Variants in SCRN2 observed in about 807,000 individuals in gnomAD.
SCRN2 encodes the protein secernin-2.
SCRN2 carries 30 observed loss-of-function variants against 40.1 expected under a neutral mutation model. The observed-to-expected ratio is 0.75, with a 90% CI of 0.56 to 1.01. SCRN2 has a LOEUF of 1.01. Ranked by LOEUF, SCRN2 falls within the 50% of genes least tolerant of loss-of-function variation. The pLI, the probability that SCRN2 is intolerant of heterozygous loss-of-function variation, is 0.00. For missense variants in SCRN2, 526 were observed against 564.9 expected (o/e 0.93, Z 0.70); for synonymous variants, 240 against 233.5 (o/e 1.03, Z -0.25).
At position 47,840,453 on chromosome 17, in the gene SCRN2, T is replaced by C. The variant is rs908603778; in HGVS notation, c.175-81A>G. ...GTGTGGCACTCTGCCAATTACCTTA[T>C]AGATCCCTTTGAGGAAGGTCTCATT... On this transcript the variant is annotated intron_variant, in intron 2 of 7. Coordinates refer to ENST00000290216, the MANE Select transcript of SCRN2 (RefSeq NM_138355.4). 178 of 1,471,302 alleles carry C rather than the reference T, an allele frequency of 1.2e-4. No individual in the cohort carries two copies. In the African/African-American group the frequency reaches 2.2e-3, roughly 18 times the overall value. The allele number at this position is 1,471,302 out of a possible 1,614,324, so 91.1% of individuals were successfully genotyped here.
Position 47,838,359 on chromosome 17 carries a change from T to C in SCRN2, c.1030A>G (p.Thr344Ala), listed in dbSNP as rs1567955539. 6.2e-7 allele frequency: 1 copy of C among 1,609,142 alleles called. No individual in the cohort carries two copies. The highest frequency in any genetic ancestry group is 8.5e-7 in the Non-Finnish European group (1 of 1,178,020). ...ACCTGAGTCTGGAATCGGGGCAGGG[T>C]CCGAACAGGGTCTTGTGCTCCAAAA... ...PTFGAQDPVR[T>A]LPRFQTQVDR... Residue 344 changes from threonine (T) to alanine (A), a missense_variant, in exon 7 of 8, where the codon ACC becomes GCC. Physicochemically the swap from Thr to Ala is moderately conservative, Grantham distance 58 (BLOSUM62 0). Transcript: ENST00000290216.
rs574222234 is a variant in SCRN2 at position 47,837,959 on chromosome 17, T to C, written c.1163A>G (p.Gln388Arg). 5.0e-6 allele frequency: 8 copies of C among 1,607,486 alleles called. No individual in the cohort carries two copies. The South Asian group carries it at 6.6e-5, about 13-fold the overall frequency. Residue 388 changes from glutamine (Q) to arginine (R), a missense_variant, in exon 8 of 8, where the codon CAG becomes CGG. Transcript: ENST00000290216. ...QLQQKQQDLE[Q>R]EGLEATQGLL... is the part of the protein sequence containing the mutation. ...CCCCTGTGTGGCCTCGAGGCCTTCC[T>C]GCTCCAGATCCTGCTGTTTCTGCTG...
chr17:47,839,040 A>T, intron 4 of SCRN2, 34 bp from the exon 5 acceptor site: 1 of 1,605,796 alleles, frequency 6.2e-7, no homozygotes, highest in Non-Finnish European at 8.5e-7. Flanking sequence ...TTCATTTACC[A>T]TTGAGCATCT....
At position 47,838,934 on chromosome 17, in the gene SCRN2, G is replaced by A. The variant is rs909604689; in HGVS notation, c.629C>T (p.Thr210Ile). 12 of 1,614,058 alleles carry A rather than the reference G, an allele frequency of 7.4e-6. No homozygotes were observed. The highest frequency in any genetic ancestry group is 1.0e-5 in the Non-Finnish European group (12 of 1,180,046). ...CCACCAGCCCTTGGCCTGGGCATGA[G>A]TCCGCAGCTCCGGGTGTTGGGCCGA... ...DISAQHPELR[T>I]HAQAKGWWDG... Residue 210 changes from threonine (T) to isoleucine (I), a missense_variant, in exon 5 of 8, where the codon ACT becomes ATT. By Grantham distance (89) the Thr-to-Ile change is moderately conservative. Transcript: ENST00000290216.
At position 47,838,781 on chromosome 17, in the gene SCRN2, G is replaced by A. The variant is rs780619475; in HGVS notation, c.772+10C>T. ...CTCCTGGCCCCCAGCCCCCTCCACC[G>A]TTCACTAACCTTGCCGTTGCCGCAG... On this transcript the variant is annotated intron_variant, in intron 5 of 7. Transcript: ENST00000290216. 8.9e-5 allele frequency: 143 copies of A among 1,612,162 alleles called. No homozygotes were observed. Among genetic ancestry groups the A allele is most frequent in the Non-Finnish European group, 1.1e-4 (131 of 1,179,878 alleles).
At position 47,837,924 on chromosome 17, in the gene SCRN2, C is replaced by A. The variant is rs141621864; in HGVS notation, c.1198G>T (p.Gly400Cys). The A allele has an allele frequency of 5.6e-6, 9 of 1,604,524 alleles. No individual in the cohort carries two copies. The highest frequency in any genetic ancestry group is 5.9e-6 in the Non-Finnish European group (7 of 1,179,136). ...TCCCAGAGGGGTGGGGCCCACTCGC[C>A]GGCCAGCAGCCCCTGTGTGGCCTCG... Reference protein sequence around the residue: ...GLEATQGLLAGEWAPPLWELG... With the variant: ...GLEATQGLLACEWAPPLWELG... The change falls in exon 8 of 8, where the codon GGC becomes TGC. Residue 400 changes from glycine (G) to cysteine (C), a missense_variant. Coordinates refer to ENST00000290216, the MANE Select transcript of SCRN2 (RefSeq NM_138355.4).
At position 47,840,201 on chromosome 17, in the gene SCRN2, C is replaced by G; in HGVS notation, c.346G>C (p.Asp116His). ...VGEGEALLGM[D>H]LLRLALERSS... ...GGGCAGGGTCTGCACCTGAGTAGGT[C>G]CATGCCCAGCAGGGCTTCCCCCTCC... The change falls in exon 3 of 8, where the codon GAC becomes CAC. Residue 116 changes from aspartate to histidine, a missense_variant. Physicochemically the swap from Asp to His is moderately conservative, Grantham distance 81. Transcript: ENST00000290216. 1 of 1,613,028 alleles carries G rather than the reference C, an allele frequency of 6.2e-7. No homozygotes were observed. Among genetic ancestry groups the G allele is most frequent in the South Asian group, 1.1e-5 (1 of 91,056 alleles).
chr17:47,841,040 G>T, intron 1 of SCRN2, 168 bp downstream of exon 1: 1 of 433,828 alleles, frequency 2.3e-6, no homozygotes. Context: ...GTCCGCAGGC[G>T]GGCACTCCGG....
In SCRN2 at chr17:47,838,700, C is replaced by T; in HGVS notation, c.773-4G>A. Reference sequence around the variant, plus strand: ...ATCACCTCTGCCGTGATGCCCCCTGCCAAGGAGTAGAGGGGGAAGCTGTGG... The same window carrying T: ...ATCACCTCTGCCGTGATGCCCCCTGTCAAGGAGTAGAGGGGGAAGCTGTGG... On this transcript the variant is annotated splice_polypyrimidine_tract_variant and splice_region_variant and intron_variant, in intron 5 of 7. Transcript: ENST00000290216. 1 of 1,613,346 alleles carries T rather than the reference C, an allele frequency of 6.2e-7. No homozygotes were observed. The highest frequency in any genetic ancestry group is 8.5e-7 in the Non-Finnish European group (1 of 1,179,604).
intron 1 of SCRN2, 137 bp downstream of exon 1, chr17:47,841,071 G>T (rs959735506): frequency 2.4e-6 from 1 of 414,934 alleles, no homozygotes; most frequent in Non-Finnish European, 4.3e-6. Flanking sequence ...CCCACTGGGA[G>T]TCCCGGCCCT....
chr17:47,839,343 A>G (rs1022058193), intron 4 of SCRN2, 101 bp downstream of exon 4: 1 of 1,217,700 alleles, frequency 8.2e-7, no homozygotes, highest in Non-Finnish European at 1.2e-6. Flanking sequence ...CTCATCTCCC[A>G]TCTCCCTGGA....
At chr17:47,840,106 G>T (rs1277321857) in intron 3 of SCRN2, 85 bp downstream of exon 3, 1 of 1,399,680 alleles carries the variant, frequency 7.1e-7, no homozygotes, top group Non-Finnish European at 9.7e-7. Context: ...GAACCAGGCT[G>T]GGGGAGGGAT....
At chr17:47,840,867 TA>T in intron 1 of SCRN2, 24 bp from the exon 2 acceptor site, 1 of 1,489,202 alleles carries the variant, frequency 6.7e-7, no homozygotes, top group Non-Finnish European at 8.9e-7. Flanking sequence ...GGCCTCTCCA[TA>T]ACCCTGGCCA....
chr17:47,840,349 C>T lies in SCRN2; in HGVS notation c.198G>A (p.Gln66=), dbSNP rs772055710. ...GAATCACAGCGTGCGTCTTCGACAC[C>T]TGTTCCACTTCAATGTAGGTGCACT... ...RLQCTYIEVE[Q]VSKTHAVILS... is the part of the protein sequence containing the mutation. Residue 66 remains glutamine, a synonymous_variant, in exon 3 of 8, where the codon CAG becomes CAA. Transcript: ENST00000290216. 14 of 1,614,050 alleles carry T rather than the reference C, an allele frequency of 8.7e-6. No individual in the cohort carries two copies. The highest frequency in any genetic ancestry group is 1.1e-5 in the Non-Finnish European group (13 of 1,180,026).
At chr17:47,840,457 T>C in intron 2 of SCRN2, 85 bp from the exon 3 acceptor site, 1 of 1,456,732 alleles carries the variant, frequency 6.9e-7, no homozygotes, top group Non-Finnish European at 9.4e-7. Flanking sequence ...ACCTTATAGA[T>C]CCCTTTGAGG....
intron 2 of SCRN2, 133 bp downstream of exon 2, chr17:47,840,537 A>G: frequency 8.0e-7 from 1 of 1,248,878 alleles, no homozygotes; most frequent in Non-Finnish European, 1.1e-6. Context: ...GCTCAGGTCC[A>G]GGTTGGTAGA....
Sources: allele counts gnomAD v4.1 joint callset, GRCh38; gene constraint gnomAD v4.1.1; transcripts MANE v1.5; gene names NCBI Gene and HGNC (gene_info 2026-07-23, HGNC 2026-07-21).